KCNJ13: variants seen among roughly 807,000 people sequenced by gnomAD.
KCNJ13 encodes potassium inwardly rectifying channel subfamily J member 13.
A neutral mutation model predicts 24.6 loss-of-function variants in KCNJ13; 9 were observed. The observed-to-expected ratio is 0.37, with a 90% CI of 0.22 to 0.64. The LOEUF (loss-of-function observed/expected upper bound fraction) is 0.64. KCNJ13 is among the 30% of genes least tolerant of loss of function. The pLI is 0.64. For missense variants in KCNJ13, 337 were observed against 443.8 expected, an observed-to-expected ratio of 0.76 and a Z score of 2.16; for synonymous variants, 148 against 154.7, an observed-to-expected ratio of 0.96 and a Z score of 0.32.
intron 1 of KCNJ13, among the ~76,000 whole-genome samples, chr2:232,773,363 A>G (rs886076386): frequency 1.3e-5 from 2 of 152,196 alleles, no homozygotes; most frequent in Non-Finnish European, 2.9e-5. Context: ...CCATTTTCAG[A>G]TGAAGTCACT....
intron 1 of KCNJ13, among the ~76,000 whole-genome samples, chr2:232,771,798 G>A (rs566099447): frequency 3.9e-5 from 6 of 152,222 alleles, no homozygotes; most frequent in South Asian, 2.1e-4. Context: ...ATTAAAAGGG[G>A]TATGTTTAAA....
At chr2:232,770,847 G>T in intron 2 of KCNJ13, 56 bp downstream of exon 2, 1 of 1,246,184 alleles carries the variant, frequency 8.0e-7, no homozygotes, top group Non-Finnish European at 1.2e-6. Flanking sequence ...AACACCTGTA[G>T]TTTTGTTTTG....
At chr2:232,771,497 A>T in intron 1 of KCNJ13, 119 bp from the exon 2 acceptor site, 2 of 594,502 alleles carry the variant, frequency 3.4e-6, no homozygotes, top group Non-Finnish European at 5.7e-6. Context: ...AACTTTGCCA[A>T]CTCTCTCGCT....
chr2:232,775,479 C>T (rs761173817), intron 1 of KCNJ13, among the ~76,000 whole-genome samples: 8 of 152,048 alleles, frequency 5.3e-5, no homozygotes, highest in African/African-American at 1.7e-4. Flanking sequence ...GATGTCTGCT[C>T]GTATGGTTTA....
At position 232,768,436 on chromosome 2, in the gene KCNJ13, C is replaced by T. The variant is rs370613677; in HGVS notation, c.838G>A (p.Glu280Lys). 1.6e-5 allele frequency: 26 copies of T among 1,614,070 alleles called. No homozygotes were observed. Among genetic ancestry groups the T allele is most frequent in the Non-Finnish European group, 2.1e-5 (25 of 1,180,020 alleles). Residue 280 changes from glutamate (E) to lysine (K), a missense_variant, in exon 3 of 3, where the codon GAA becomes AAA. This residue lies in a region of KCNJ13 where 235 missense variants were observed against 286.9 expected (regional missense o/e 0.82). Coordinates refer to ENST00000233826, the MANE Select transcript of KCNJ13 (RefSeq NM_002242.4). Reference protein sequence around the residue: ...FLSAMQEGTGEICQRRTSYLP... With the variant: ...FLSAMQEGTGKICQRRTSYLP... ...TAGGATGTCCTCCTTTGGCATATTT[C>T]TCCAGTGCCCTCCTGCATTGCTGAA...
chr2:232,773,473 T>A (rs1173699931), intron 1 of KCNJ13, among the ~76,000 whole-genome samples: 1 of 152,106 alleles, frequency 6.6e-6, no homozygotes, highest in African/African-American at 2.4e-5. Context: ...CCAGTTAATT[T>A]TTTTTTTTAA....
chr2:232,767,768 G>T lies in KCNJ13; in HGVS notation c.*423C>A. On this transcript the variant is annotated 3_prime_UTR_variant, in exon 3 of 3. Transcript: ENST00000233826. ...TTAAAGGATATTCACTAAGTATAGT[G>T]AAGTCGTCATTCCACCCAGGGAGCT... 4.5e-6 allele frequency: 1 copy of T among 222,116 alleles called. No individual in the cohort carries two copies. Among genetic ancestry groups the T allele is most frequent in the Non-Finnish European group, 9.0e-6 (1 of 110,702 alleles). 13.8% of individuals were successfully genotyped at this position (222,116 alleles called of 1,614,324 possible). A position where few individuals can be genotyped will look rare whatever the true frequency, so the allele number is the denominator to read the frequency against.
Position 232,766,869 on chromosome 2 carries a change from A to C in KCNJ13, c.*1322T>G, listed in dbSNP as rs1186459884. On this transcript the variant is annotated 3_prime_UTR_variant, in exon 3 of 3. Transcript: ENST00000233826. ...AAGGTTAATCTTTCATTTTTCCCAC[A>C]GAAACCTGAATAAGGGAAATTTCAG... is the stretch of plus-strand genomic sequence containing the variant. The C allele has an allele frequency of 6.6e-6, 1 of 152,218 alleles. No homozygotes were observed. The highest frequency in any genetic ancestry group is 1.5e-5 in the Non-Finnish European group (1 of 68,034). The allele number at this position is 152,218 out of a possible 1,614,324, so 9.4% of individuals were successfully genotyped here.
rs1472405829 is a variant in KCNJ13, at chr2:232,765,933, C to T, written c.*2258G>A. 6.5e-6 allele frequency: 3 copies of T among 459,188 alleles called. No individual in the cohort carries two copies. The highest frequency in any genetic ancestry group is 2.1e-5 in the African/African-American group (1 of 47,764). 28.4% of individuals were successfully genotyped at this position (459,188 alleles called of 1,614,324 possible). The stretch of plus-strand genomic sequence containing the variant: ...TAAAGTTAGTTCCGAAGTAGTCTTC[C>T]TGATCATGTGTGCAAGACTTCATGA... On this transcript the variant is annotated 3_prime_UTR_variant, in exon 3 of 3. Coordinates refer to ENST00000233826, the MANE Select transcript of KCNJ13 (RefSeq NM_002242.4).
At chr2:232,773,192 C>A (rs1163861059) in intron 1 of KCNJ13, among the ~76,000 whole-genome samples, 1 of 152,130 alleles carries the variant, frequency 6.6e-6, no homozygotes, top group Non-Finnish European at 1.5e-5. Flanking sequence ...CTTGGCATAG[C>A]TACTTAATGA....
In KCNJ13 at chr2:232,768,234, C is replaced by G. The variant is rs1699056368; in HGVS notation, c.1040G>C (p.Ser347Thr). The G allele has an allele frequency of 6.2e-7, 1 of 1,613,942 alleles. No individual in the cohort carries two copies. Among genetic ancestry groups the G allele is most frequent in the African/African-American group, 1.3e-5 (1 of 75,032 alleles). The change falls in exon 3 of 3, where the codon AGC (serine) becomes ACC (threonine). Residue 347 changes from serine to threonine, a missense_variant. Transcript: ENST00000233826. ...TTCAGAGATCTGAAAATTGTCAATG[C>G]TTTGTCCATTGATGTGGATATCCAG... Reference protein sequence around the residue: ...TDLDIHINGQSIDNFQISETG... With the variant: ...TDLDIHINGQTIDNFQISETG...
chr2:232,765,921 G>A lies in KCNJ13; in HGVS notation c.*2270C>T, dbSNP rs1183889571. ...CAAAGGAACGTTTAAAGTTAGTTCC[G>A]AAGTAGTCTTCCTGATCATGTGTGC... On this transcript the variant is annotated 3_prime_UTR_variant, in exon 3 of 3. Coordinates refer to ENST00000233826, the MANE Select transcript of KCNJ13 (RefSeq NM_002242.4). 2.2e-6 allele frequency: 1 copy of A among 451,466 alleles called. No homozygotes were observed. Among genetic ancestry groups the A allele is most frequent in the Non-Finnish European group, 4.6e-6 (1 of 217,740 alleles). 28.0% of individuals were successfully genotyped at this position (451,466 alleles called of 1,614,324 possible).
chr2:232,769,195 T>G (rs1200326509), intron 2 of KCNJ13, among the ~76,000 whole-genome samples: 1 of 152,142 alleles, frequency 6.6e-6, no homozygotes, highest in Non-Finnish European at 1.5e-5. Flanking sequence ...GAGACTAGGT[T>G]CAGAGTAGAA....
rs141221202 is a variant in KCNJ13 at position 232,768,746 on chromosome 2, T to C, written c.528A>G (p.Ala176=). 2.5e-6 allele frequency: 4 copies of C among 1,601,478 alleles called. No individual in the cohort carries two copies. The African/African-American group carries it at 5.4e-5, about 21-fold the overall frequency. ...GTTTGCCATCCATGTGAGCTACTAC[T>C]GCTGTGTCAGTAAAGCGAATTGAAA... is the stretch of plus-strand genomic sequence containing the variant. The part of the protein sequence containing the change: ...RAFSIRFTDT[A]VVAHMDGKPN... The change falls in exon 3 of 3, where the codon GCA becomes GCG. Residue 176 remains alanine (A), a synonymous_variant. Transcript: ENST00000233826.
Position 232,767,531 on chromosome 2 carries a change from C to G in KCNJ13, c.*660G>C, listed in dbSNP as rs1313045238. On this transcript the variant is annotated 3_prime_UTR_variant, in exon 3 of 3. Coordinates refer to ENST00000233826, the MANE Select transcript of KCNJ13 (RefSeq NM_002242.4). ...CCATTTGGGCTGGAGCTTATCTGAT[C>G]ACCTTCTGCCACAAATAAGTGAACA... 1 of 152,828 alleles carries G rather than the reference C, an allele frequency of 6.5e-6. No homozygotes were observed. The highest frequency in any genetic ancestry group is 2.4e-5 in the African/African-American group (1 of 41,434). 9.5% of individuals were successfully genotyped at this position (152,828 alleles called of 1,614,324 possible). A position where few individuals can be genotyped will look rare whatever the true frequency, so the allele number is the denominator to read the frequency against.
intron 2 of KCNJ13, among the ~76,000 whole-genome samples, chr2:232,770,639 A>G: frequency 6.6e-6 from 1 of 151,970 alleles, no homozygotes; most frequent in Non-Finnish European, 1.5e-5. Flanking sequence ...ATATTTCTGC[A>G]ATTTAGTATC....
At chr2:232,775,206 T>C (rs1699459850) in intron 1 of KCNJ13, among the ~76,000 whole-genome samples, 1 of 152,154 alleles carries the variant, frequency 6.6e-6, no homozygotes, top group African/African-American at 2.4e-5. Flanking sequence ...TTATAGTCAG[T>C]GTGGTTTAGT....
At chr2:232,772,152 C>T (rs368516896) in intron 1 of KCNJ13, among the ~76,000 whole-genome samples, 8 of 152,254 alleles carry the variant, frequency 5.3e-5, no homozygotes, top group African/African-American at 1.9e-4. Flanking sequence ...GTTCTCAAGC[C>T]ATCTTCCCAC....
chr2:232,770,839 CA>C, intron 2 of KCNJ13, 63 bp downstream of exon 2: 1 of 1,133,100 alleles, frequency 8.8e-7, no homozygotes, highest in African/African-American at 1.5e-5. Context: ...CCTTTCCAAA[CA>C]CCTGTAGTTT....
Sources: allele counts gnomAD v4.1 joint callset (sites outside exome capture counted in the v4.1 genomes callset), GRCh38; gene constraint gnomAD v4.1.1; regional missense constraint gnomAD v4.1.1; transcripts MANE v1.5; gene names NCBI Gene and HGNC (gene_info 2026-07-23, HGNC 2026-07-21).